The following LSAMP variants were observed in gnomAD, a reference collection of about 807,000 sequenced individuals.
LSAMP encodes limbic system-associated membrane protein.
LSAMP carries 7 observed loss-of-function variants against 38.6 expected under a neutral mutation model. That is an observed-to-expected ratio of 0.18 (90% CI 0.10 to 0.34). LSAMP has a LOEUF of 0.34. Among genes scored for constraint, LSAMP ranks in the 10% least tolerant of loss-of-function variants. The pLI is 1.00. For synonymous variants in LSAMP, 154 were observed against 166.8 expected, an observed-to-expected ratio of 0.92 and a Z score of 0.59; for missense variants, 313 against 420.0, an observed-to-expected ratio of 0.75 and a Z score of 2.23.
At chr3:116,244,608 C>T (rs1450131563) in intron 1 of LSAMP, among the ~76,000 whole-genome samples, 1 of 152,200 alleles carries the variant, frequency 6.6e-6, no homozygotes, top group Non-Finnish European at 1.5e-5. Context: ...TGCCCAGGGA[C>T]TCTCACACAG....
intron 1 of LSAMP, among the ~76,000 whole-genome samples, chr3:116,286,312 T>C (rs1036189580): frequency 6.6e-6 from 1 of 152,228 alleles, no homozygotes; most frequent in African/African-American, 2.4e-5. Flanking sequence ...ATAAAATTTT[T>C]AGGAAACAAC....
chr3:116,405,087 C>G (rs1167000037), intron 1 of LSAMP, among the ~76,000 whole-genome samples: 1 of 151,980 alleles, frequency 6.6e-6, no homozygotes, highest in Admixed American at 6.6e-5. Context: ...TTAGGTAGTA[C>G]GCAAGTAATA....
At chr3:116,279,441 C>T (rs577727287) in intron 1 of LSAMP, among the ~76,000 whole-genome samples, 1 of 152,290 alleles carries the variant, frequency 6.6e-6, no homozygotes, top group South Asian at 2.1e-4. Flanking sequence ...ATCACATCTT[C>T]AATATAACTC....
At chr3:116,255,683 G>A (rs2046740840) in intron 1 of LSAMP, among the ~76,000 whole-genome samples, 1 of 152,146 alleles carries the variant, frequency 6.6e-6, no homozygotes, top group Non-Finnish European at 1.5e-5. Context: ...CTGAAGGCCA[G>A]GCACTGGGAG....
intron 3 of LSAMP, among the ~76,000 whole-genome samples, chr3:115,988,442 T>G (rs1465589005): frequency 1.3e-5 from 2 of 152,082 alleles, no homozygotes; most frequent in East Asian, 1.9e-4. Context: ...GTCTGTAGAA[T>G]AAAGTGTTTT....
intron 2 of LSAMP, among the ~76,000 whole-genome samples, chr3:116,024,649 G>C (rs769661641): frequency 1.3e-5 from 2 of 152,034 alleles, no homozygotes; most frequent in Non-Finnish European, 2.9e-5. Context: ...TAGTGTAATA[G>C]TTTAGTATTT....
At chr3:116,331,293 G>C (rs1052583369) in intron 1 of LSAMP, among the ~76,000 whole-genome samples, 2 of 152,164 alleles carry the variant, frequency 1.3e-5, no homozygotes, top group African/African-American at 4.8e-5. Context: ...ACACATTATG[G>C]AAGTTCCAGA....
chr3:116,061,295 T>C (rs886856152), intron 2 of LSAMP, among the ~76,000 whole-genome samples: 2 of 152,182 alleles, frequency 1.3e-5, no homozygotes, highest in Non-Finnish European at 2.9e-5. Context: ...AAGAGAACTG[T>C]CCATAATTCA....
intron 3 of LSAMP, among the ~76,000 whole-genome samples, chr3:115,973,584 G>A (rs1348999072): frequency 6.6e-6 from 1 of 151,950 alleles, no homozygotes; most frequent in Non-Finnish European, 1.5e-5. Context: ...AATATAAAAA[G>A]TTACCCTGGC....
chr3:116,333,102 T>A (rs2047871886), intron 1 of LSAMP, among the ~76,000 whole-genome samples: 2 of 152,090 alleles, frequency 1.3e-5, no homozygotes, highest in African/African-American at 4.8e-5. Flanking sequence ...TAAGAAAATA[T>A]AGGACCTAAC....
intron 3 of LSAMP, among the ~76,000 whole-genome samples, chr3:115,934,561 A>G (rs1472986164): frequency 6.6e-6 from 1 of 152,122 alleles, no homozygotes; most frequent in Non-Finnish European, 1.5e-5. Context: ...TTTTATTTGA[A>G]CCTCTGGATC....
intron 1 of LSAMP, among the ~76,000 whole-genome samples, chr3:116,234,331 A>G (rs971509013): frequency 6.6e-6 from 1 of 152,194 alleles, no homozygotes; most frequent in East Asian, 1.9e-4. Context: ...CACGGGGAAT[A>G]ATTCATGAAA....
chr3:116,381,818 G>A (rs2048561782), intron 1 of LSAMP, among the ~76,000 whole-genome samples: 1 of 152,028 alleles, frequency 6.6e-6, no homozygotes. Context: ...CCTCTTAGGA[G>A]CATCGGCATG....
chr3:116,097,037 A>AG (rs1386529172), intron 1 of LSAMP, among the ~76,000 whole-genome samples: 2 of 152,198 alleles, frequency 1.3e-5, no homozygotes, highest in African/African-American at 4.8e-5. Context: ...ATTTGGAAAG[A>AG]GAAAAAACTG....
intron 1 of LSAMP, among the ~76,000 whole-genome samples, chr3:116,101,486 G>C (rs568231442): frequency 1.3e-5 from 2 of 152,212 alleles, no homozygotes; most frequent in African/African-American, 4.8e-5. Flanking sequence ...TACATATAAT[G>C]TATAGTGATC....
At chr3:116,379,581 A>G (rs1347449743) in intron 1 of LSAMP, among the ~76,000 whole-genome samples, 2 of 152,082 alleles carry the variant, frequency 1.3e-5, no homozygotes, top group Admixed American at 6.6e-5. Flanking sequence ...GCTCAGATCA[A>G]AATCTGTCGG....
intron 2 of LSAMP, among the ~76,000 whole-genome samples, chr3:116,035,878 G>A (rs1941034320): frequency 6.6e-6 from 1 of 152,196 alleles, no homozygotes; most frequent in Non-Finnish European, 1.5e-5. Context: ...CCAACCTCTT[G>A]GGGTTCCTTT....
rs1708704824 is a variant in LSAMP, at chr3:116,114,706, CTAAA to C, written c.156-28154_156-28151del. On this transcript the variant is annotated intron_variant, in intron 1 of 6. Transcript: ENST00000490035. ...AACATTTATAATCTTGTGATATCCA[CTAAA>C]TAAATCTCACAATGAAAGCACTGAA... is the stretch of plus-strand genomic sequence containing the variant. 2.6e-5 allele frequency among the ~76,000 whole-genome samples: 4 copies of C among 152,304 alleles called. No individual in the cohort carries two copies. In the South Asian group the frequency reaches 8.3e-4, roughly 32 times the overall value.
intron 1 of LSAMP, among the ~76,000 whole-genome samples, chr3:116,179,766 G>C (rs1559772255): frequency 6.6e-6 from 1 of 152,150 alleles, no homozygotes; most frequent in South Asian, 2.1e-4. Context: ...CCAACACTGA[G>C]GATTACATTT....
Sources: gnomAD v4.1 joint callset for allele counts (sites outside exome capture counted in the v4.1 genomes callset) on GRCh38, gnomAD v4.1.1 for gene constraint, MANE v1.5 for transcripts, NCBI Gene and HGNC (gene_info 2026-07-23, HGNC 2026-07-21) for gene names.